KLHL29: variants seen among roughly 807,000 people sequenced by gnomAD.
The protein encoded by KLHL29 is kelch like family member 29, also known as kelch-like protein 29.
A neutral mutation model predicts 80.4 loss-of-function variants in KLHL29; 21 were observed. The observed-to-expected ratio is 0.26, with a 90% CI of 0.19 to 0.38. The LOEUF is 0.38. Ranked by LOEUF, KLHL29 falls within the 10% of genes least tolerant of loss-of-function variation. The pLI is 1.00. For missense variants in KLHL29, 867 were observed against 1,223.9 expected, an observed-to-expected ratio of 0.71 and a Z score of 4.35; for synonymous variants, 511 against 526.8, an observed-to-expected ratio of 0.97 and a Z score of 0.41.
intron 1 of KLHL29, among the ~76,000 whole-genome samples, chr2:23,387,029 G>A (rs964778258): frequency 1.3e-5 from 2 of 152,084 alleles, no homozygotes; most frequent in Non-Finnish European, 1.5e-5. Context: ...ATGCTGATGG[G>A]TAAGGAGCTG....
intron 5 of KLHL29, among the ~76,000 whole-genome samples, chr2:23,673,809 T>C (rs1670848079): frequency 6.6e-6 from 1 of 151,922 alleles, no homozygotes; most frequent in Non-Finnish European, 1.5e-5. Context: ...CAGGGGTGCA[T>C]ACACACGCCC....
chr2:23,593,718 A>G (rs1265319523), intron 3 of KLHL29, among the ~76,000 whole-genome samples: 1 of 152,204 alleles, frequency 6.6e-6, no homozygotes. Context: ...TGTGAAATGC[A>G]GTGTCTTCAC....
At chr2:23,536,039 G>A (rs55724212) in intron 2 of KLHL29, among the ~76,000 whole-genome samples, 37,945 of 152,158 alleles carry the variant, frequency 0.25, 5,509 homozygotes, top group Middle Eastern at 0.34. Flanking sequence ...CTGCTTAGCA[G>A]AGGATGTGGT....
Position 23,522,330 on chromosome 2 carries a change from A to T in KLHL29, c.-45-39822A>T, listed in dbSNP as rs533037047. On this transcript the variant is annotated intron_variant, in intron 2 of 13. Coordinates refer to ENST00000486442, the MANE Select transcript of KLHL29 (RefSeq NM_052920.2). Reference sequence around the variant, plus strand: ...ACGCCTGGCTAATTTTTGTATTTTTAGTAGAGATGGGGTTCCACCATGTTG... The same window carrying T: ...ACGCCTGGCTAATTTTTGTATTTTTTGTAGAGATGGGGTTCCACCATGTTG... Among the ~76,000 whole-genome samples the T allele has an allele frequency of 3.9e-4, 59 of 152,074 alleles. 1 individual carries two copies. In the South Asian group the frequency reaches 0.012, roughly 30 times the overall value.
chr2:23,546,693 G>C (rs1424024093), intron 2 of KLHL29, among the ~76,000 whole-genome samples: 1 of 152,170 alleles, frequency 6.6e-6, no homozygotes, highest in Admixed American at 6.5e-5. Flanking sequence ...CCCTCAACCA[G>C]TACTCTGTGG....
Position 23,707,587 on chromosome 2 carries a change from T to C in KLHL29, c.*923T>C, listed in dbSNP as rs1672809869. On this transcript the variant is annotated 3_prime_UTR_variant, in exon 14 of 14. Coordinates refer to ENST00000486442, the MANE Select transcript of KLHL29 (RefSeq NM_052920.2). ...AAAAAGTAACTCCCAGACAGCCCCA[T>C]AAAAGCTGTGCCCAAGGAAGAAGAG... 6.6e-6 allele frequency: 1 copy of C among 152,090 alleles called. No homozygotes were observed. Among genetic ancestry groups the C allele is most frequent in the African/African-American group, 2.4e-5 (1 of 41,380 alleles). 9.4% of individuals were successfully genotyped at this position (152,090 alleles called of 1,614,324 possible). A position where few individuals can be genotyped will look rare whatever the true frequency, so the allele number is the denominator to read the frequency against.
At position 23,596,502 on chromosome 2, in the gene KLHL29, A is replaced by G. The variant is rs1242831403; in HGVS notation, c.285+34021A>G. ...GGCTCGCTGTGATTTATCAGGGGCC[A>G]TGCCACACTGTCCTTGCACACAACG... On this transcript the variant is annotated intron_variant, in intron 3 of 13. Coordinates refer to ENST00000486442, the MANE Select transcript of KLHL29 (RefSeq NM_052920.2). The surrounding 1 kb of genome is among the most constrained non-coding windows in gnomAD (Gnocchi z 4.4). Among the ~76,000 whole-genome samples, 1 of 152,212 alleles carries G rather than the reference A, an allele frequency of 6.6e-6. No homozygotes were observed. The highest frequency in any genetic ancestry group is 2.4e-5 in the African/African-American group (1 of 41,454).
chr2:23,432,790 G>A (rs1477835114), intron 1 of KLHL29, among the ~76,000 whole-genome samples: 4 of 152,234 alleles, frequency 2.6e-5, no homozygotes, highest in Admixed American at 2.0e-4. Flanking sequence ...CAGAGCAGAG[G>A]GAGTCGGGGG....
chr2:23,388,533 C>T (rs1366941175), intron 1 of KLHL29, among the ~76,000 whole-genome samples: 1 of 152,180 alleles, frequency 6.6e-6, no homozygotes, highest in South Asian at 2.1e-4. Flanking sequence ...TTAGTCTATT[C>T]AAATCTTGCC....
At chr2:23,410,793 A>G (rs1287036881) in intron 1 of KLHL29, among the ~76,000 whole-genome samples, 1 of 152,046 alleles carries the variant, frequency 6.6e-6, no homozygotes, top group Non-Finnish European at 1.5e-5. Context: ...TGGAGGTAAT[A>G]AAAGAGACGT....
intron 3 of KLHL29, among the ~76,000 whole-genome samples, chr2:23,630,559 A>G (rs775727138): frequency 1.3e-5 from 2 of 152,102 alleles, no homozygotes; most frequent in African/African-American, 2.4e-5. Flanking sequence ...TCTTGGCTCA[A>G]TGCAACCTCC....
intron 3 of KLHL29, among the ~76,000 whole-genome samples, chr2:23,629,073 A>G (rs1669402167): frequency 1.3e-5 from 2 of 152,234 alleles, no homozygotes; most frequent in African/African-American, 4.8e-5. Flanking sequence ...AGAAACAGGC[A>G]GGGCGGCGGG....
intron 1 of KLHL29, among the ~76,000 whole-genome samples, chr2:23,413,288 T>C (rs1280715531): frequency 6.7e-6 from 1 of 148,966 alleles, no homozygotes; most frequent in Non-Finnish European, 1.5e-5. Flanking sequence ...GATGAGCTGA[T>C]CTCCATGCTG....
At chr2:23,444,391 C>G (rs1264011531) in intron 1 of KLHL29, among the ~76,000 whole-genome samples, 1 of 152,130 alleles carries the variant, frequency 6.6e-6, no homozygotes, top group Non-Finnish European at 1.5e-5. Flanking sequence ...ATGGCAAAAT[C>G]TTGGCTCACT....
chr2:23,516,704 C>T (rs543167848), intron 2 of KLHL29, among the ~76,000 whole-genome samples: 18 of 152,350 alleles, frequency 1.2e-4, no homozygotes, highest in African/African-American at 3.4e-4. Flanking sequence ...AGGCAAGGGG[C>T]TGGGAAGTGG....
intron 2 of KLHL29, among the ~76,000 whole-genome samples, chr2:23,559,420 G>A (rs1667384961): frequency 6.6e-6 from 1 of 152,042 alleles, no homozygotes; most frequent in Admixed American, 6.5e-5. Flanking sequence ...TGGCTGAGAA[G>A]GGCAAGACTG....
chr2:23,475,967 C>T (rs1325782841), intron 2 of KLHL29, among the ~76,000 whole-genome samples: 1 of 152,182 alleles, frequency 6.6e-6, no homozygotes, highest in Non-Finnish European at 1.5e-5. Context: ...GCAACCTCTG[C>T]CTCTGGGTTC....
intron 1 of KLHL29, among the ~76,000 whole-genome samples, chr2:23,386,260 C>T (rs1666180233): frequency 6.6e-6 from 1 of 152,102 alleles, no homozygotes; most frequent in African/African-American, 2.4e-5. Flanking sequence ...GAGGTGCGCG[C>T]CTCTGTGCAG....
intron 2 of KLHL29, among the ~76,000 whole-genome samples, chr2:23,557,704 G>A (rs1455626758): frequency 6.6e-6 from 1 of 152,096 alleles, no homozygotes; most frequent in Non-Finnish European, 1.5e-5. Context: ...AGCACATCTA[G>A]GCATGTCTCA....
Sources: gnomAD v4.1 joint callset for allele counts (sites outside exome capture counted in the v4.1 genomes callset) on GRCh38, gnomAD v4.1.1 for gene constraint, Gnocchi (gnomAD v3.1) non-coding constraint, MANE v1.5 for transcripts, NCBI Gene and HGNC (gene_info 2026-07-23, HGNC 2026-07-21) for gene names.